RARB: variants seen among roughly 807,000 people sequenced by gnomAD.
RARB encodes the protein retinoic acid receptor beta.
A neutral mutation model predicts 51.9 loss-of-function variants in RARB; 17 were observed. The ratio of observed to expected loss-of-function variants is 0.33; its 90% CI spans 0.22 to 0.49. The LOEUF (loss-of-function observed/expected upper bound fraction) is 0.49. RARB is among the 20% of genes least tolerant of loss of function. RARB has a pLI of 0.99. For synonymous variants in RARB, 215 were observed against 195.4 expected (o/e 1.10, Z -0.84); for missense variants, 369 against 550.8 (o/e 0.67, Z 3.30).
rs139661250 is a variant in RARB, at chr3:25,015,601, T to G, written c.-379-44524T>G. Among the ~76,000 whole-genome samples the G allele has an allele frequency of 3.0e-3, 454 of 152,268 alleles. 3 individuals are homozygous for G. Among genetic ancestry groups the G allele is most frequent in the African/African-American group, 0.01 (422 of 41,548 alleles). On this transcript the variant is annotated intron_variant, in intron 2 of 11. Transcript: ENST00000383772. ...TTTCATCTTCTGTAATGTGTAGACA[T>G]TGCCAATGAAATGAGCCTGGTTCCC...
intron 2 of RARB, among the ~76,000 whole-genome samples, chr3:24,895,848 C>G (rs1296127033): frequency 6.6e-6 from 1 of 152,174 alleles, no homozygotes; most frequent in African/African-American, 2.4e-5. Context: ...ACGTCCAGCA[C>G]TTCCACAACC....
rs1310119995 is a variant in RARB at position 25,055,613 on chromosome 3, G to C, written c.-379-4512G>C. Among the ~76,000 whole-genome samples, 3 of 152,224 alleles carry C rather than the reference G, an allele frequency of 2.0e-5. 1 individual carries two copies. The highest frequency in any genetic ancestry group is 4.8e-5 in the African/African-American group (2 of 41,544). On this transcript the variant is annotated intron_variant, in intron 2 of 11. Transcript: ENST00000383772. ...TAGCTTTCTCCAGAAAATAGATCTTGTGATGAAGATTGGGGGAAAAGTTAT... is the reference window on the plus strand; with the variant it reads ...TAGCTTTCTCCAGAAAATAGATCTTCTGATGAAGATTGGGGGAAAAGTTAT...
At chr3:25,223,642 A>G (rs1023542154) in intron 5 of RARB, among the ~76,000 whole-genome samples, 1 of 152,234 alleles carries the variant, frequency 6.6e-6, no homozygotes, top group Admixed American at 6.5e-5. Flanking sequence ...GAAGACATTA[A>G]TAGATGTTCA....
At chr3:24,852,279 T>A (rs1335528235) in intron 1 of RARB, among the ~76,000 whole-genome samples, 1 of 152,152 alleles carries the variant, frequency 6.6e-6, no homozygotes, top group Non-Finnish European at 1.5e-5. Flanking sequence ...GAACCATATG[T>A]GGCTAAGTAA....
chr3:24,939,577 T>G lies in RARB; in HGVS notation c.-380+80825T>G, dbSNP rs573660381. On this transcript the variant is annotated intron_variant, in intron 2 of 11. Transcript: ENST00000383772. ...TTTTAAATATTCTAGTCAAAGAGAG[T>G]TTCACTAGGGTCAAACTTTGATCAA... is the stretch of plus-strand genomic sequence containing the variant. 2.2e-4 allele frequency among the ~76,000 whole-genome samples: 34 copies of G among 152,004 alleles called. No homozygotes were observed. In the South Asian group the frequency reaches 6.7e-3, roughly 30 times the overall value.
intron 5 of RARB, among the ~76,000 whole-genome samples, chr3:25,201,961 G>C (rs924392808): frequency 2.0e-5 from 3 of 152,144 alleles, no homozygotes; most frequent in African/African-American, 7.2e-5. Flanking sequence ...AAATGAGTTA[G>C]GGAGGATTCC....
In RARB at chr3:25,260,044, G is replaced by T. The variant is rs866562640; in HGVS notation, c.178+85469G>T. 3.1e-6 allele frequency: 3 copies of T among 958,596 alleles called. No individual in the cohort carries two copies. The African/African-American group carries it at 5.3e-5, about 17-fold the overall frequency. The allele number at this position is 958,596 out of a possible 1,614,324, so 59.4% of individuals were successfully genotyped here. A position where few individuals can be genotyped will look rare whatever the true frequency, so the allele number is the denominator to read the frequency against. On this transcript the variant is annotated intron_variant, in intron 5 of 11. Coordinates refer to the RARB transcript ENST00000383772. ...TTCCCCTTTCTCCTTCCCCCATGGT[G>T]TGAGTTCGTGTGTGGCTGGTTTTCT...
At chr3:25,238,953 G>C (rs113397720) in intron 5 of RARB, among the ~76,000 whole-genome samples, 1 of 150,626 alleles carries the variant, frequency 6.6e-6, no homozygotes, top group Admixed American at 6.6e-5. Flanking sequence ...CACTCCAGCC[G>C]GGGCAGCAGA....
chr3:25,322,906 G>C (rs756163820), intron 5 of RARB, among the ~76,000 whole-genome samples: 45 of 152,128 alleles, frequency 3.0e-4, no homozygotes, highest in Non-Finnish European at 5.3e-4. Flanking sequence ...AAACTTATTT[G>C]CTTAAAACAA....
At chr3:24,872,189 C>G (rs61149997) in intron 2 of RARB, among the ~76,000 whole-genome samples, 4,264 of 152,246 alleles carry the variant, frequency 0.028, 180 homozygotes, top group East Asian at 0.16. Flanking sequence ...CAACATACCC[C>G]CTTTCTGATT....
chr3:25,257,690 C>T (rs545095328), intron 5 of RARB, among the ~76,000 whole-genome samples: 1 of 152,200 alleles, frequency 6.6e-6, no homozygotes, highest in South Asian at 2.1e-4. Context: ...TTCCTAGGCT[C>T]TATCTGCTCT....
At chr3:25,334,720 A>G (rs1368606203) in intron 5 of RARB, among the ~76,000 whole-genome samples, 1 of 152,060 alleles carries the variant, frequency 6.6e-6, no homozygotes, top group Non-Finnish European at 1.5e-5. Context: ...AAATAAATAA[A>G]TAAGTGGTTT....
intron 3 of RARB, among the ~76,000 whole-genome samples, chr3:25,091,873 C>G (rs1699205323): frequency 6.6e-6 from 1 of 152,120 alleles, no homozygotes. Flanking sequence ...CAAGTTATCT[C>G]AAAATTGATA....
intron 2 of RARB, among the ~76,000 whole-genome samples, chr3:24,879,402 C>A (rs1374136145): frequency 6.7e-6 from 1 of 150,242 alleles, no homozygotes; most frequent in African/African-American, 2.5e-5. Context: ...GCATTCCAGC[C>A]TGGGCGACAG....
chr3:25,400,508 T>G (rs1436388556), intron 5 of RARB, among the ~76,000 whole-genome samples: 1 of 152,186 alleles, frequency 6.6e-6, no homozygotes, highest in Non-Finnish European at 1.5e-5. Flanking sequence ...CTCAATATTC[T>G]CAATATTTAC....
intron 4 of RARB, among the ~76,000 whole-genome samples, chr3:25,153,610 C>T (rs1176975230): frequency 6.6e-6 from 1 of 152,098 alleles, no homozygotes; most frequent in East Asian, 1.9e-4. Flanking sequence ...ATGTGAAAAC[C>T]TTCTGAGTTG....
rs1317792479 is a variant in RARB at position 25,428,321 on chromosome 3, A to AG, written c.-405dup. ...GGCAGGAGGGTCTATTCTTTGCCAA[A>AG]GGGGGGACCAGAATTCCCCCATGCG... On this transcript the variant is annotated 5_prime_UTR_variant, in exon 1 of 8. Transcript: ENST00000330688. 4.8e-6 allele frequency: 6 copies of AG among 1,245,674 alleles called. No individual in the cohort carries two copies. The highest frequency in any genetic ancestry group is 3.1e-4 in the Middle Eastern group (1 of 3,270). The allele number at this position is 1,245,674 out of a possible 1,614,324, so 77.2% of individuals were successfully genotyped here.
intron 5 of RARB, among the ~76,000 whole-genome samples, chr3:25,369,982 G>A (rs1165356519): frequency 6.6e-6 from 1 of 152,052 alleles, no homozygotes; most frequent in Non-Finnish European, 1.5e-5. Context: ...AATAGCCTAA[G>A]TGTTCATCTT....
Position 25,596,675 on chromosome 3 carries a change from C to T in RARB, c.*59C>T. 1.4e-6 allele frequency: 2 copies of T among 1,384,670 alleles called. No homozygotes were observed. Among genetic ancestry groups the T allele is most frequent in the Non-Finnish European group, 2.0e-6 (2 of 1,013,180 alleles). 85.8% of individuals were successfully genotyped at this position (1,384,670 alleles called of 1,614,324 possible). On this transcript the variant is annotated 3_prime_UTR_variant, in exon 8 of 8. Coordinates refer to ENST00000330688, the MANE Select transcript of RARB (RefSeq NM_000965.5). ...ACCTTCAGTTCCAGGATTTAAAATG[C>T]AAGAAAAAACATTTTTACTGCTGCT... is the stretch of plus-strand genomic sequence containing the variant.
Sources: gnomAD v4.1 joint callset for allele counts (sites outside exome capture counted in the v4.1 genomes callset) on GRCh38, gnomAD v4.1.1 for gene constraint, MANE v1.5 for transcripts, NCBI Gene and HGNC (gene_info 2026-07-23, HGNC 2026-07-21) for gene names.